Variants in STK33 observed in about 807,000 individuals in gnomAD.
The protein encoded by STK33 is serine/threonine kinase 33, also known as serine/threonine-protein kinase 33.
In STK33, 52 loss-of-function variants were observed where a neutral mutation model predicts 58.0. The ratio of observed to expected loss-of-function variants is 0.90; its 90% CI spans 0.72 to 1.13. The LOEUF (loss-of-function observed/expected upper bound fraction) is 1.13. Ranked by LOEUF, STK33 falls within the 50% of genes most tolerant of loss-of-function variation. The pLI, the probability that STK33 is intolerant of heterozygous loss-of-function variation, is 0.00. For synonymous variants in STK33, 215 were observed against 200.1 expected (o/e 1.07, Z -0.63); for missense variants, 630 against 604.2 (o/e 1.04, Z -0.45).
chr11:8,566,498 G>T (rs748233692), intron 1 of STK33, among the ~76,000 whole-genome samples: 11 of 152,194 alleles, frequency 7.2e-5, no homozygotes, highest in Non-Finnish European at 1.6e-4. Flanking sequence ...TGTTTAATGT[G>T]TGGTTCATTT....
intron 1 of STK33, among the ~76,000 whole-genome samples, chr11:8,529,245 G>A (rs545698759): frequency 6.6e-6 from 1 of 152,334 alleles, no homozygotes; most frequent in Admixed American, 6.5e-5. Flanking sequence ...AAACATAATT[G>A]CTGATGCTTC....
Position 8,461,890 on chromosome 11 carries a change from T to A in STK33, c.473A>T (p.Lys158Met), listed in dbSNP as rs778120140. Reference sequence around the variant, plus strand: ...AATGTTCACCTCTCGTTCAAGTAACTTCACAGCAGAGCTTCCAGCCTTAAT... The same window carrying A: ...AATGTTCACCTCTCGTTCAAGTAACATCACAGCAGAGCTTCCAGCCTTAAT... ...NKEKAGSSAV[K>M]LLEREVNILK... is the part of the protein sequence containing the mutation. Residue 158 changes from lysine to methionine, a missense_variant, in exon 8 of 16, where the codon AAG (lysine) becomes ATG (methionine). Coordinates refer to ENST00000687296, the MANE Select transcript of STK33 (RefSeq NM_001352389.2). 5 of 1,595,448 alleles carry A rather than the reference T, an allele frequency of 3.1e-6. No individual in the cohort carries two copies. The South Asian group carries it at 5.7e-5, about 18-fold the overall frequency.
In STK33 at chr11:8,473,184, A is replaced by G. The variant is rs750576335; in HGVS notation, c.318T>C (p.Ile106=). The change falls in exon 6 of 16, where the codon ATT becomes ATC. Residue 106 remains isoleucine (I), a synonymous_variant. Transcript: ENST00000687296. ...ATACCTCAATAGCAGCTCCATTCTC[A>G]ATCCTTATGTGAGGAACTTTTCCTT... The part of the protein sequence containing the change: ...FTEGKVPHIR[I]ENGAAIEEIY... 16 of 1,612,240 alleles carry G rather than the reference A, an allele frequency of 9.9e-6. No individual in the cohort carries two copies. Among genetic ancestry groups the G allele is most frequent in the Non-Finnish European group, 1.3e-5 (15 of 1,179,170 alleles).
intron 5 of STK33, 67 bp downstream of exon 5, chr11:8,474,614 A>G: frequency 8.8e-7 from 1 of 1,142,396 alleles, no homozygotes; most frequent in Non-Finnish European, 1.2e-6. Context: ...GATATGGATG[A>G]AGCTAGGAGT....
At chr11:8,433,323 G>A (rs1385220096) in intron 14 of STK33, among the ~76,000 whole-genome samples, 1 of 152,150 alleles carries the variant, frequency 6.6e-6, no homozygotes, top group East Asian at 1.9e-4. Flanking sequence ...TAAAAGGAGA[G>A]TGATATCACT....
At chr11:8,519,074 T>C (rs2139739320) in intron 1 of STK33, among the ~76,000 whole-genome samples, 1 of 152,304 alleles carries the variant, frequency 6.6e-6, no homozygotes, top group South Asian at 2.1e-4. Flanking sequence ...ATTCCAAAAT[T>C]GACCACATAG....
chr11:8,468,798 T>C (rs1217367934), intron 6 of STK33, among the ~76,000 whole-genome samples: 1 of 152,204 alleles, frequency 6.6e-6, no homozygotes, highest in African/African-American at 2.4e-5. Context: ...CTCAACTGTA[T>C]ACAGAGATAC....
chr11:8,506,565 C>T (rs536275266), intron 1 of STK33, among the ~76,000 whole-genome samples: 15 of 151,980 alleles, frequency 9.9e-5, no homozygotes, highest in Non-Finnish European at 1.8e-4. Context: ...AAAGGTTCTC[C>T]GATTTTTTTA....
intron 1 of STK33, among the ~76,000 whole-genome samples, chr11:8,553,990 A>G (rs1956551372): frequency 6.6e-6 from 1 of 152,228 alleles, no homozygotes; most frequent in South Asian, 2.1e-4. Context: ...AAGGAAACAG[A>G]TTAACAAAGT....
chr11:8,378,432 C>T, the STK33 span, among the ~76,000 whole-genome samples: 22 of 152,130 alleles, frequency 1.4e-4, no homozygotes, highest in African/African-American at 4.1e-4. Context: ...GCAGGAGAAT[C>T]GCTTGAACCT....
chr11:8,571,701 C>T (rs987127899), intron 1 of STK33, among the ~76,000 whole-genome samples: 5 of 151,592 alleles, frequency 3.3e-5, no homozygotes, highest in East Asian at 1.9e-4. Flanking sequence ...GGCGTGGTGG[C>T]GGGTGCCTGT....
rs1161851155 is a variant in STK33 at position 8,509,116 on chromosome 11, C to CAAAAAAAAAAAAAAAAAAAAAAAAAAAAA, written c.-465-28503_-465-28502insTTTTTTTTTTTTTTTTTTTTTTTTTTTTT. ...GGGCAACAAGAGCAAAACTCTGTCT[C>CAAAAAAAAAAAAAAAAAAAAAAAAAAAAA]AAAAAAAAAAAAAAAAAAAAAAAGC... On this transcript the variant is annotated intron_variant, in intron 1 of 15. Coordinates refer to ENST00000687296, the MANE Select transcript of STK33 (RefSeq NM_001352389.2). Among the ~76,000 whole-genome samples the CAAAAAAAAAAAAAAAAAAAAAAAAAAAAA allele has an allele frequency of 4.4e-5, 2 of 45,416 alleles. 1 individual carries two copies. The highest frequency in any genetic ancestry group is 1.6e-4 in the African/African-American group (2 of 12,136). The allele number at this position is 45,416 out of a possible 152,430, so 29.8% of individuals were successfully genotyped here.
intron 14 of STK33, among the ~76,000 whole-genome samples, chr11:8,418,275 T>C (rs1392934934): frequency 1.3e-5 from 2 of 152,064 alleles, no homozygotes; most frequent in Non-Finnish European, 2.9e-5. Context: ...CAGTGTCTGT[T>C]GTTCCCCTCT....
the STK33 span, among the ~76,000 whole-genome samples, chr11:8,344,230 C>CA: frequency 2.7e-5 from 4 of 147,502 alleles, no homozygotes; most frequent in African/African-American, 5.1e-5. Context: ...CACACACACA[C>CA]CCCAGTTAGC....
intron 12 of STK33, among the ~76,000 whole-genome samples, chr11:8,439,883 A>ATATATATATATATATATC (rs1564969733): frequency 7.0e-6 from 1 of 142,630 alleles, no homozygotes; most frequent in Non-Finnish European, 1.5e-5. Flanking sequence ...ATATATATAT[A>ATATATATATATATATATC]TATCAGAGGC....
the STK33 span, among the ~76,000 whole-genome samples, chr11:8,345,392 A>G: frequency 6.6e-6 from 1 of 152,116 alleles, no homozygotes; most frequent in East Asian, 1.9e-4. Flanking sequence ...ATGCCATTAA[A>G]CCCTCGTCTC....
At chr11:8,497,504 A>C (rs375723327) in intron 1 of STK33, among the ~76,000 whole-genome samples, 1 of 152,056 alleles carries the variant, frequency 6.6e-6, no homozygotes, top group Non-Finnish European at 1.5e-5. Flanking sequence ...GGGTCTCACT[A>C]TGTCACCCAG....
At chr11:8,521,386 T>C (rs1214981647) in intron 1 of STK33, among the ~76,000 whole-genome samples, 2 of 152,224 alleles carry the variant, frequency 1.3e-5, no homozygotes, top group Non-Finnish European at 2.9e-5. Context: ...AAGGATTCCC[T>C]ATTTAATAAA....
At chr11:8,423,156 T>G (rs1450108933) in intron 14 of STK33, among the ~76,000 whole-genome samples, 1 of 151,462 alleles carries the variant, frequency 6.6e-6, no homozygotes, top group Non-Finnish European at 1.5e-5. Flanking sequence ...TTCTGTTTCT[T>G]TCTTAATTTC....
Sources: allele counts gnomAD v4.1 joint callset (sites outside exome capture counted in the v4.1 genomes callset), GRCh38; gene constraint gnomAD v4.1.1; transcripts MANE v1.5; gene names NCBI Gene and HGNC (gene_info 2026-07-23, HGNC 2026-07-21).